Variants in FGF14 observed in about 807,000 individuals in gnomAD.
FGF14 encodes the protein fibroblast growth factor homologous factor 4.
Under a neutral mutation model 25.5 loss-of-function variants are expected in FGF14, and 5 were observed. The observed-to-expected ratio is 0.20, with a 90% CI of 0.10 to 0.41. The LOEUF is 0.41. Ranked by LOEUF, FGF14 falls within the 10% of genes least tolerant of loss-of-function variation. The pLI is 1.00. For missense variants in FGF14, 222 were observed against 320.1 expected (o/e 0.69, Z 2.34); for synonymous variants, 138 against 118.3 (o/e 1.17, Z -1.08).
intron 1 of FGF14, among the ~76,000 whole-genome samples, chr13:101,950,917 T>C (rs1426700215): frequency 6.6e-6 from 1 of 152,114 alleles, no homozygotes; most frequent in Non-Finnish European, 1.5e-5. Flanking sequence ...ACTTACTCTT[T>C]AAAGAAAAGT....
chr13:101,969,542 T>C (rs1253668911), intron 1 of FGF14, among the ~76,000 whole-genome samples: 1 of 152,222 alleles, frequency 6.6e-6, no homozygotes, highest in Non-Finnish European at 1.5e-5. Flanking sequence ...AGGGCTCTAA[T>C]GAGTCATTTG....
rs376040944 is a variant in FGF14, at chr13:102,129,565, C to T, written c.209-254269G>A. Among the ~76,000 whole-genome samples, 10 of 152,216 alleles carry T rather than the reference C, an allele frequency of 6.6e-5. No individual in the cohort carries two copies. The South Asian group carries it at 2.1e-3, about 32-fold the overall frequency. ...ATATTACATGAGTATTTCCCTTCCT[C>T]AATTCCTTACAATGTGTACACACTA... On this transcript the variant is annotated intron_variant, in intron 1 of 4. Transcript: ENST00000376131.
intron 1 of FGF14, among the ~76,000 whole-genome samples, chr13:102,186,993 A>G (rs2048903740): frequency 1.3e-5 from 2 of 152,138 alleles, no homozygotes; most frequent in Admixed American, 1.3e-4. Flanking sequence ...ACAGACACAC[A>G]CCTGAGTTAT....
At chr13:102,030,703 G>A (rs1372136782) in intron 1 of FGF14, among the ~76,000 whole-genome samples, 1 of 152,034 alleles carries the variant, frequency 6.6e-6, no homozygotes, top group African/African-American at 2.4e-5. Context: ...GGGACAGCCT[G>A]AGTCCCGCAC....
intron 1 of FGF14, among the ~76,000 whole-genome samples, chr13:102,123,006 A>C (rs2045797496): frequency 6.6e-6 from 1 of 152,190 alleles, no homozygotes; most frequent in African/African-American, 2.4e-5. Flanking sequence ...TTGACCAGAC[A>C]CATCGAGCAA....
chr13:102,031,686 C>T (rs2041218243), intron 1 of FGF14, among the ~76,000 whole-genome samples: 1 of 148,808 alleles, frequency 6.7e-6, no homozygotes, highest in African/African-American at 2.5e-5. Flanking sequence ...AAAAGCATAA[C>T]AATATTGGCA....
intron 3 of FGF14, among the ~76,000 whole-genome samples, chr13:101,790,235 T>A (rs1024855574): frequency 2.0e-5 from 3 of 152,046 alleles, no homozygotes; most frequent in African/African-American, 7.2e-5. Context: ...TCTACCTTTT[T>A]TAAAATTAGT....
chr13:102,028,012 G>T (rs533648445), intron 1 of FGF14, among the ~76,000 whole-genome samples: 56 of 152,000 alleles, frequency 3.7e-4, no homozygotes, highest in Admixed American at 4.6e-4. Flanking sequence ...TTTTGATTTG[G>T]TGTCCTTTCA....
chr13:102,058,264 T>A (rs1225585411), intron 1 of FGF14, among the ~76,000 whole-genome samples: 1 of 152,204 alleles, frequency 6.6e-6, no homozygotes, highest in Non-Finnish European at 1.5e-5. Context: ...ATCTCTTTGT[T>A]TTCTAAGGAC....
At chr13:102,266,847 G>C (rs950618978) in intron 1 of FGF14, among the ~76,000 whole-genome samples, 2 of 151,974 alleles carry the variant, frequency 1.3e-5, no homozygotes, top group African/African-American at 2.4e-5. Flanking sequence ...AGCTTGAAAA[G>C]CAAATTACAC....
rs145815657 is a variant in FGF14, at chr13:102,223,677, C to T, written c.208+177794G>A. Among the ~76,000 whole-genome samples, 431 of 152,232 alleles carry T rather than the reference C, an allele frequency of 2.8e-3. 2 individuals are homozygous for T. The highest frequency in any genetic ancestry group is 4.7e-3 in the Non-Finnish European group (321 of 68,020). ...GGTCTTTGCCTATATTTTCTATCTA[C>T]TGTCATAATTCACATTTATCCTATC... On this transcript the variant is annotated intron_variant, in intron 1 of 4. Coordinates refer to the FGF14 transcript ENST00000376131.
At chr13:101,960,606 G>A (rs931379256) in intron 1 of FGF14, among the ~76,000 whole-genome samples, 1 of 152,052 alleles carries the variant, frequency 6.6e-6, no homozygotes, top group African/African-American at 2.4e-5. Flanking sequence ...TGGGCATTTA[G>A]GTTGATTCCA....
At chr13:102,129,327 C>T (rs760402701) in intron 1 of FGF14, among the ~76,000 whole-genome samples, 3 of 152,028 alleles carry the variant, frequency 2.0e-5, no homozygotes, top group Admixed American at 6.5e-5. Flanking sequence ...GAACTGATTA[C>T]TGAGGACATT....
rs112816426 is a variant in FGF14 at position 101,821,109 on chromosome 13, G to C, written c.408+47616C>G. 7.1e-4 allele frequency among the ~76,000 whole-genome samples: 107 copies of C among 150,746 alleles called. 1 individual carries two copies. The highest frequency in any genetic ancestry group is 2.8e-3 in the South Asian group (13 of 4,646). On this transcript the variant is annotated intron_variant, in intron 3 of 4. Transcript: ENST00000376143. ...GAGTACAGGCGCCCGCTACCACGCCGGGCTAATTTTTTGTATTTTTAGTAG... is the reference window on the plus strand; with the variant it reads ...GAGTACAGGCGCCCGCTACCACGCCCGGCTAATTTTTTGTATTTTTAGTAG...
At chr13:102,342,742 A>T (rs2056989820) in intron 1 of FGF14, among the ~76,000 whole-genome samples, 1 of 152,108 alleles carries the variant, frequency 6.6e-6, no homozygotes, top group South Asian at 2.1e-4. Context: ...TTTCCTCTAT[A>T]TGCTTCCTAC....
At chr13:102,079,954 TATGAGAC>T (rs2043540915) in intron 1 of FGF14, among the ~76,000 whole-genome samples, 1 of 152,140 alleles carries the variant, frequency 6.6e-6, no homozygotes, top group Non-Finnish European at 1.5e-5. Flanking sequence ...GCCTGGCATG[TATGAGAC>T]ATGGCCAGTA....
At chr13:101,764,328 T>G (rs970460185) in intron 3 of FGF14, among the ~76,000 whole-genome samples, 1 of 152,148 alleles carries the variant, frequency 6.6e-6, no homozygotes, top group African/African-American at 2.4e-5. Flanking sequence ...CCCACAGAAT[T>G]GTGAGGATCA....
intron 3 of FGF14, among the ~76,000 whole-genome samples, chr13:101,756,272 G>A (rs1224063726): frequency 6.6e-6 from 1 of 152,146 alleles, no homozygotes; most frequent in Non-Finnish European, 1.5e-5. Context: ...TGTTTTAATA[G>A]AAATGCATTT....
chr13:101,807,768 G>C (rs2140165418), intron 3 of FGF14, among the ~76,000 whole-genome samples: 1 of 152,078 alleles, frequency 6.6e-6, no homozygotes, highest in East Asian at 1.9e-4. Flanking sequence ...TTTAAATAGA[G>C]GATGGTTGGG....
Sources: gnomAD v4.1 joint callset for allele counts (sites outside exome capture counted in the v4.1 genomes callset) on GRCh38, gnomAD v4.1.1 for gene constraint, MANE v1.5 for transcripts, NCBI Gene and HGNC (gene_info 2026-07-23, HGNC 2026-07-21) for gene names.